Variants in STYXL1 observed in about 807,000 individuals in gnomAD.
STYXL1 encodes serine/threonine/tyrosine interacting like 1, also known as serine/threonine/tyrosine-interacting-like protein 1.
STYXL1 carries 32 observed loss-of-function variants against 36.4 expected under a neutral mutation model. The observed-to-expected ratio is 0.88, with a 90% CI of 0.66 to 1.18. The LOEUF (loss-of-function observed/expected upper bound fraction) is 1.18. Among genes scored for constraint, STYXL1 ranks in the 50% most tolerant of loss-of-function variants. The pLI is 0.00. For synonymous variants in STYXL1, 133 were observed against 144.1 expected (o/e 0.92, Z 0.55); for missense variants, 354 against 394.1 (o/e 0.90, Z 0.86).
intron 1 of STYXL1, among the ~76,000 whole-genome samples, chr7:76,042,004 T>C (rs1263333104): frequency 6.6e-6 from 1 of 152,216 alleles, no homozygotes; most frequent in Admixed American, 6.5e-5. Context: ...CGTAGATCAA[T>C]AAATAATTCC....
intron 7 of STYXL1, among the ~76,000 whole-genome samples, chr7:76,002,744 C>CTTTACT (rs1791120284): frequency 6.6e-6 from 1 of 151,912 alleles, no homozygotes; most frequent in Non-Finnish European, 1.5e-5. Context: ...GGCAACATGG[C>CTTTACT]AAAACCCCAT....
At chr7:76,004,784 A>G (rs774046875) in intron 6 of STYXL1, among the ~76,000 whole-genome samples, 2 of 151,964 alleles carry the variant, frequency 1.3e-5, no homozygotes, top group East Asian at 1.9e-4. Flanking sequence ...GGATGATCAC[A>G]AGGTCAGGTG....
At chr7:76,010,509 G>A (rs1420810731) in intron 5 of STYXL1, among the ~76,000 whole-genome samples, 1 of 152,140 alleles carries the variant, frequency 6.6e-6, no homozygotes, top group East Asian at 1.9e-4. Context: ...AGGGGTTGAA[G>A]GGAGTCACCA....
intron 5 of STYXL1, among the ~76,000 whole-genome samples, chr7:76,010,883 A>G (rs1359882719): frequency 6.6e-6 from 1 of 152,166 alleles, no homozygotes; most frequent in Admixed American, 6.6e-5. Flanking sequence ...AGCTTCTACT[A>G]GACTGTCTTT....
chr7:76,030,976 C>A (rs1662863931), intron 1 of STYXL1, among the ~76,000 whole-genome samples: 1 of 150,958 alleles, frequency 6.6e-6, no homozygotes, highest in South Asian at 2.1e-4. Context: ...GCCTGGCCAA[C>A]ATGGTGAAAC....
At chr7:75,999,614 C>G (rs1393607378) in intron 8 of STYXL1, among the ~76,000 whole-genome samples, 4 of 151,700 alleles carry the variant, frequency 2.6e-5, no homozygotes, top group Non-Finnish European at 5.9e-5. Context: ...ATGGTGCAAT[C>G]TCAGCTCACT....
rs181433814 is a variant in STYXL1 at position 76,043,420 on chromosome 7, C to T, written c.-5+4242G>A. ...CCTCCCGAAGTGCTGGGATTACAGG[C>T]GTGAGTCACCGCACCCAGCCGAGAA... is the stretch of plus-strand genomic sequence containing the variant. On this transcript the variant is annotated intron_variant, in intron 1 of 8. Transcript: ENST00000359697. Among the ~76,000 whole-genome samples, 487 of 152,128 alleles carry T rather than the reference C, an allele frequency of 3.2e-3. 7 individuals carry two copies. Among genetic ancestry groups the T allele is most frequent in the African/African-American group, 0.011 (460 of 41,506 alleles).
At position 76,047,770 on chromosome 7, in the gene STYXL1, T is replaced by C. The variant is rs759184535; in HGVS notation, c.-113A>G. 2.4e-6 allele frequency: 1 copy of C among 418,328 alleles called. No homozygotes were observed. The allele number at this position is 418,328 out of a possible 1,614,324, so 25.9% of individuals were successfully genotyped here. A position where few individuals can be genotyped will look rare whatever the true frequency, so the allele number is the denominator to read the frequency against. Reference sequence around the variant, plus strand: ...CGCTCCACCTCCCCGGCTGCGCGACTATGGCCAGGCTCCCTGTCGGAGCCT... The same window carrying C: ...CGCTCCACCTCCCCGGCTGCGCGACCATGGCCAGGCTCCCTGTCGGAGCCT... On this transcript the variant is annotated 5_prime_UTR_variant, in exon 1 of 9. In the 5' UTR this introduces an upstream ATG that the reference lacks. Coordinates refer to ENST00000359697, the MANE Select transcript of STYXL1 (RefSeq NM_001317785.2).
chr7:76,035,291 A>C (rs1314140087), intron 1 of STYXL1, among the ~76,000 whole-genome samples: 1 of 152,070 alleles, frequency 6.6e-6, no homozygotes, highest in Non-Finnish European at 1.5e-5. Context: ...ATCTTCACAT[A>C]ATAGTCCGGG....
At chr7:76,037,445 CA>C (rs1796028082) in intron 1 of STYXL1, among the ~76,000 whole-genome samples, 1 of 150,110 alleles carries the variant, frequency 6.7e-6, no homozygotes, top group South Asian at 2.2e-4. Flanking sequence ...CCTCTAGTGA[CA>C]GCACGTGTCT....
In STYXL1 at chr7:75,996,450, G is replaced by C. The variant is rs202209094; in HGVS notation, c.*18C>G. 1.2e-6 allele frequency: 2 copies of C among 1,614,112 alleles called. No individual in the cohort carries two copies. Among genetic ancestry groups the C allele is most frequent in the South Asian group, 1.1e-5 (1 of 91,064 alleles). On this transcript the variant is annotated 3_prime_UTR_variant, in exon 9 of 9. Transcript: ENST00000359697. Reference sequence around the variant, plus strand: ...CAGGTGAGGCTCTTCAGTACCCTTCGGTGGGCCTCGGAGAAGATCAGTAGA... The same window carrying C: ...CAGGTGAGGCTCTTCAGTACCCTTCCGTGGGCCTCGGAGAAGATCAGTAGA...
intron 8 of STYXL1, among the ~76,000 whole-genome samples, chr7:75,999,509 G>GTGTGTGTA (rs782747902): frequency 0.032 from 3,238 of 102,128 alleles, 61 homozygotes; most frequent in African/African-American, 0.053. Flanking sequence ...GTGTGTGTGT[G>GTGTGTGTA]TATGTGTGTG....
chr7:76,046,769 G>A (rs536567158), intron 1 of STYXL1, among the ~76,000 whole-genome samples: 131 of 150,864 alleles, frequency 8.7e-4, no homozygotes, highest in African/African-American at 3.1e-3. Flanking sequence ...TCCTGCCTCA[G>A]CCTCCGGAGT....
intron 5 of STYXL1, among the ~76,000 whole-genome samples, chr7:76,011,648 C>A (rs782580321): frequency 2.0e-5 from 3 of 152,212 alleles, no homozygotes; most frequent in Non-Finnish European, 2.9e-5. Flanking sequence ...TGTGTTCAGA[C>A]GCTTCAATAA....
rs184925313 is a variant in STYXL1 at position 76,043,022 on chromosome 7, T to C, written c.-5+4640A>G. ...CAAGAAGAGGTAGCTGCATTTGAAA[T>C]GGCCTGCACCCCCAGAATTTGTTGG... On this transcript the variant is annotated intron_variant, in intron 1 of 8. Transcript: ENST00000359697. Among the ~76,000 whole-genome samples, 223 of 152,296 alleles carry C rather than the reference T, an allele frequency of 1.5e-3. No homozygotes were observed. In the Middle Eastern group the frequency reaches 0.017, roughly 12 times the overall value.
chr7:76,043,477 C>T (rs1415792583), intron 1 of STYXL1, among the ~76,000 whole-genome samples: 1 of 151,976 alleles, frequency 6.6e-6, no homozygotes, highest in Non-Finnish European at 1.5e-5. Flanking sequence ...CCAAGAGGGC[C>T]ACCGAGAGGG....
At chr7:76,046,264 A>T (rs1563534168) in intron 1 of STYXL1, among the ~76,000 whole-genome samples, 2 of 143,430 alleles carry the variant, frequency 1.4e-5, no homozygotes, top group Non-Finnish European at 1.5e-5. Context: ...AGCATGTCTC[A>T]GCTTATCTGC....
intron 3 of STYXL1, among the ~76,000 whole-genome samples, chr7:76,023,096 G>A (rs1335725412): frequency 6.6e-6 from 1 of 152,004 alleles, no homozygotes; most frequent in Non-Finnish European, 1.5e-5. Context: ...CAAACCTAAA[G>A]CAGCTGGCTT....
At chr7:76,023,620 G>A (rs1014059214) in intron 3 of STYXL1, among the ~76,000 whole-genome samples, 11 of 151,990 alleles carry the variant, frequency 7.2e-5, no homozygotes, top group African/African-American at 2.7e-4. Flanking sequence ...CCAGCTACTC[G>A]GGAGTCTGAG....
Sources: allele counts gnomAD v4.1 joint callset (sites outside exome capture counted in the v4.1 genomes callset), GRCh38; gene constraint gnomAD v4.1.1; transcripts MANE v1.5; gene names NCBI Gene and HGNC (gene_info 2026-07-23, HGNC 2026-07-21).